Variants in PEBP4 observed in about 807,000 individuals in gnomAD.
The protein encoded by PEBP4 is phosphatidylethanolamine binding protein 4.
PEBP4 carries 22 observed loss-of-function variants against 23.9 expected under a neutral mutation model. The ratio of observed to expected loss-of-function variants is 0.92; its 90% CI spans 0.66 to 1.31. PEBP4 has a LOEUF of 1.31. Ranked by LOEUF, PEBP4 falls within the 40% of genes most tolerant of loss-of-function variation. PEBP4 has a pLI of 0.00. For synonymous variants in PEBP4, 112 were observed against 99.3 expected (o/e 1.13, Z -0.76); for missense variants, 324 against 281.7 (o/e 1.15, Z -1.07).
chr8:22,783,468 G>C (rs1454147327), intron 4 of PEBP4, among the ~76,000 whole-genome samples: 1 of 152,342 alleles, frequency 6.6e-6, no homozygotes, highest in East Asian at 1.9e-4. Context: ...CAGTGGCGCA[G>C]CTGCTCCTGT....
intron 4 of PEBP4, chr8:22,756,103 A>C (rs1404107078): frequency 6.6e-6 from 1 of 152,170 alleles, no homozygotes; most frequent in African/African-American, 2.4e-5. Flanking sequence ...CTGAGCTGAG[A>C]CCCATATTTA....
rs541700520 is a variant in PEBP4 at position 22,721,373 on chromosome 8, T to C, written c.517+3470A>G. On this transcript the variant is annotated intron_variant, in intron 6 of 6. Transcript: ENST00000256404. The stretch of plus-strand genomic sequence containing the variant: ...ATCAAGATCTCATTTGCTGACCACA[T>C]GTACATTGTCCTGTGGTCACAGTAA... 3.9e-5 allele frequency among the ~76,000 whole-genome samples: 6 copies of C among 152,238 alleles called. No individual in the cohort carries two copies. The East Asian group carries it at 1.2e-3, about 29-fold the overall frequency.
At chr8:22,902,948 G>A (rs1335390031) in intron 3 of PEBP4, among the ~76,000 whole-genome samples, 2 of 152,176 alleles carry the variant, frequency 1.3e-5, no homozygotes, top group Non-Finnish European at 2.9e-5. Context: ...TGGGGAGTGG[G>A]GTGGAGGTGA....
At chr8:22,846,313 T>G (rs1156377649) in intron 3 of PEBP4, among the ~76,000 whole-genome samples, 1 of 152,126 alleles carries the variant, frequency 6.6e-6, no homozygotes, top group Non-Finnish European at 1.5e-5. Flanking sequence ...CTCCTTCCTC[T>G]CCCTGTGCCA....
chr8:22,938,905 A>G (rs1179573295), intron 1 of PEBP4, among the ~76,000 whole-genome samples: 1 of 152,240 alleles, frequency 6.6e-6, no homozygotes, highest in Non-Finnish European at 1.5e-5. Context: ...GCACGCACAT[A>G]TAAAAACCGT....
At chr8:22,729,298 G>C (rs1804684073) in intron 4 of PEBP4, among the ~76,000 whole-genome samples, 1 of 152,278 alleles carries the variant, frequency 6.6e-6, no homozygotes. Flanking sequence ...TGCCCAGCCT[G>C]GTCTGCCCTG....
intron 3 of PEBP4, among the ~76,000 whole-genome samples, chr8:22,912,371 T>C (rs1037456897): frequency 1.3e-5 from 2 of 151,930 alleles, no homozygotes; most frequent in African/African-American, 4.8e-5. Context: ...GGGCAGAGAG[T>C]GGAGCTCCAT....
chr8:22,880,642 C>G (rs1266931072), intron 3 of PEBP4: 1 of 152,660 alleles, frequency 6.6e-6, no homozygotes, highest in Non-Finnish European at 1.5e-5. Context: ...CCAGGTGGCC[C>G]GTGCCCTCCT....
intron 6 of PEBP4, among the ~76,000 whole-genome samples, chr8:22,720,665 T>C (rs992722516): frequency 6.6e-6 from 1 of 152,228 alleles, no homozygotes; most frequent in Non-Finnish European, 1.5e-5. Flanking sequence ...ATAGCTGTCC[T>C]GTGACGCTGG....
intron 2 of PEBP4, chr8:22,925,331 T>C (rs1313556273): frequency 2.0e-6 from 2 of 985,400 alleles, no homozygotes; most frequent in Non-Finnish European, 2.4e-6. Flanking sequence ...CTGGGAGCCC[T>C]GAACCTGGGG....
At chr8:22,725,495 C>T (rs1017449020) in intron 5 of PEBP4, among the ~76,000 whole-genome samples, 7 of 147,812 alleles carry the variant, frequency 4.7e-5, no homozygotes, top group Non-Finnish European at 9.0e-5. Context: ...GCTGGGTGCT[C>T]GGGGCATCAG....
chr8:22,756,252 G>A (rs1256372621), intron 4 of PEBP4, among the ~76,000 whole-genome samples: 3 of 152,206 alleles, frequency 2.0e-5, no homozygotes, highest in Non-Finnish European at 4.4e-5. Flanking sequence ...CGCAGGGCTG[G>A]AGCAGGACTG....
chr8:22,743,405 T>A (rs960754956), intron 4 of PEBP4, among the ~76,000 whole-genome samples: 1 of 152,230 alleles, frequency 6.6e-6, no homozygotes, highest in Non-Finnish European at 1.5e-5. Context: ...TGTGTACTCA[T>A]AAAACAGGCT....
At chr8:22,739,638 G>A (rs538992339) in intron 4 of PEBP4, among the ~76,000 whole-genome samples, 1 of 152,190 alleles carries the variant, frequency 6.6e-6, no homozygotes, top group South Asian at 2.1e-4. Context: ...CTGGAATCCC[G>A]AGTGGCTGTG....
At position 22,862,957 on chromosome 8, in the gene PEBP4, C is replaced by T. The variant is rs376136558; in HGVS notation, c.259-45222G>A. ...CTGGGACTACAAGCGCCCGCCCCCA[C>T]GCCTGGATGATTTTTTTGTATTTTT... On this transcript the variant is annotated intron_variant, in intron 3 of 6. Coordinates refer to ENST00000256404, the MANE Select transcript of PEBP4 (RefSeq NM_144962.3). Among the ~76,000 whole-genome samples the T allele has an allele frequency of 4.5e-4, 68 of 152,186 alleles. No individual in the cohort carries two copies. The South Asian group carries it at 0.013, about 29-fold the overall frequency.
intron 4 of PEBP4, among the ~76,000 whole-genome samples, chr8:22,772,477 TTCTCTCTC>T (rs1318831599): frequency 6.9e-6 from 1 of 145,172 alleles, no homozygotes; most frequent in Non-Finnish European, 1.5e-5. Context: ...AGGGCAGGTA[TTCTCTCTC>T]TCTCTCTCTT....
intron 6 of PEBP4, among the ~76,000 whole-genome samples, chr8:22,724,384 T>C (rs1804581440): frequency 6.6e-6 from 1 of 152,184 alleles, no homozygotes; most frequent in Admixed American, 6.5e-5. Flanking sequence ...CTTCCCCTCA[T>C]CACTGAGATG....
In PEBP4 at chr8:22,817,650, ACCAG is replaced by A; in HGVS notation, c.340_343del (p.Leu114Ter). The A allele has an allele frequency of 6.2e-7, 1 of 1,614,010 alleles. No individual in the cohort carries two copies. Among genetic ancestry groups the A allele is most frequent in the Non-Finnish European group, 8.5e-7 (1 of 1,179,928 alleles). On this transcript the variant is annotated frameshift_variant, in exon 4 of 7. Transcript: ENST00000256404. LOFTEE classifies it high-confidence loss of function. ...TGGCCTGCTTACCTTGATATCTGTT[ACCAG>A]CCAATGTCTCCAGAATCTCTGTCTG...
intron 3 of PEBP4, among the ~76,000 whole-genome samples, chr8:22,915,866 G>A (rs774686424): frequency 1.3e-5 from 2 of 152,224 alleles, no homozygotes; most frequent in Non-Finnish European, 2.9e-5. Flanking sequence ...ATACAGAGAA[G>A]GGTTGGTAGG....
Sources: gnomAD v4.1 joint callset for allele counts (sites outside exome capture counted in the v4.1 genomes callset) on GRCh38, gnomAD v4.1.1 for gene constraint, MANE v1.5 for transcripts, NCBI Gene and HGNC (gene_info 2026-07-23, HGNC 2026-07-21) for gene names.